Variants in TAF1D observed in about 807,000 individuals in gnomAD.
The protein encoded by TAF1D is TATA-box binding protein associated factor, RNA polymerase I subunit D, also known as TATA box-binding protein-associated factor RNA polymerase I subunit D.
A neutral mutation model predicts 26.2 loss-of-function variants in TAF1D; 23 were observed. That is an observed-to-expected ratio of 0.88 (90% confidence interval 0.63 to 1.25). The LOEUF (loss-of-function observed/expected upper bound fraction) is 1.25, where lower values mean the gene tolerates loss of function less well. TAF1D is among the 50% of genes most tolerant of loss of function. The pLI is 0.00. For missense variants in TAF1D, 299 were observed against 322.0 expected, an observed-to-expected ratio of 0.93 and a Z score of 0.55; for synonymous variants, 100 against 105.6, an observed-to-expected ratio of 0.95 and a Z score of 0.33.
intron 5 of TAF1D, 46 bp from the exon 6 acceptor site, chr11:93,736,350 T>C (rs201496122): frequency 4.5e-6 from 7 of 1,557,478 alleles, no homozygotes; most frequent in Admixed American, 2.1e-5. Flanking sequence ...ATAACTCAAA[T>C]AGTTTAGTAA....
At chr11:93,738,849 GCAC>G in intron 2 of TAF1D, 1 of 297,006 alleles carries the variant, frequency 3.4e-6, no homozygotes, top group African/African-American at 2.2e-5. Flanking sequence ...CTAATGGCAT[GCAC>G]CACTATGCTC....
chr11:93,730,558 T>C (rs1565234590), exon 12 of TAF1D: 1 of 622,034 alleles, frequency 1.6e-6, no homozygotes, highest in Admixed American at 1.9e-5. Context: ...TTAGGAGTGC[T>C]ATGGCTTCCT....
downstream of TAF1D, chr11:93,734,167 T>C (rs1200826597): frequency 6.5e-6 from 1 of 153,062 alleles, no homozygotes; most frequent in Non-Finnish European, 1.5e-5. Flanking sequence ...TTAATTGTCA[T>C]CCATTATAAA....
chr11:93,732,522 C>T (rs1357557341), downstream of TAF1D: 1 of 474,914 alleles, frequency 2.1e-6, no homozygotes, highest in African/African-American at 2.0e-5. Context: ...CTGTACAACT[C>T]GTATTCCCAA....
chr11:93,732,202 T>C, downstream of TAF1D: 1 of 494,808 alleles, frequency 2.0e-6, no homozygotes, highest in Non-Finnish European at 4.0e-6. Context: ...GTGCTACTGA[T>C]AGAGGGAAAC....
In TAF1D at chr11:93,737,158, T is replaced by A. The variant is rs200954518; in HGVS notation, c.541A>T (p.Asn181Tyr). ...HHLKESLKQM[N>Y]VGEDLENEDF... Reference sequence around the variant, plus strand: ...TCATTTTCTAAATCTTCACCAACATTCATTTGCTTCAATGATTCTTTCAGG... The same window carrying A: ...TCATTTTCTAAATCTTCACCAACATACATTTGCTTCAATGATTCTTTCAGG... The change falls in exon 4 of 6, where the codon AAT (asparagine) becomes TAT (tyrosine). Residue 181 changes from asparagine to tyrosine, a missense_variant. Physicochemically the swap from Asn to Tyr is moderately radical, Grantham distance 143. Coordinates refer to ENST00000448108, the MANE Select transcript of TAF1D (RefSeq NM_024116.4). The A allele has an allele frequency of 2.5e-5, 40 of 1,612,610 alleles. No individual in the cohort carries two copies. The highest frequency in any genetic ancestry group is 3.3e-5 in the Non-Finnish European group (39 of 1,179,322).
At chr11:93,738,020 A>G (rs1357818478) in intron 3 of TAF1D, 89 bp downstream of exon 3, 1 of 1,439,654 alleles carries the variant, frequency 6.9e-7, no homozygotes, top group Non-Finnish European at 9.2e-7. Context: ...GTCTGTTCCC[A>G]GTATATCTGA....
chr11:93,740,808 T>C (rs748974132), intron 1 of TAF1D, among the ~76,000 whole-genome samples: 1 of 152,210 alleles, frequency 6.6e-6, no homozygotes, highest in Non-Finnish European at 1.5e-5. Flanking sequence ...TTTTTAAAAG[T>C]AGGGATTATC....
chr11:93,740,475 A>G (rs1417933976), intron 1 of TAF1D, among the ~76,000 whole-genome samples: 1 of 150,864 alleles, frequency 6.6e-6, no homozygotes, highest in Middle Eastern at 3.2e-3. Flanking sequence ...AAGGCATGGC[A>G]ACAAAAATTA....
chr11:93,735,084 C>T (rs762737030), downstream of TAF1D: 2 of 1,316,178 alleles, frequency 1.5e-6, no homozygotes, highest in South Asian at 2.4e-5. Flanking sequence ...ATCAATACTC[C>T]CATCAATCAA....
chr11:93,739,743 AG>A (rs1239073281), intron 1 of TAF1D, among the ~76,000 whole-genome samples: 2 of 152,184 alleles, frequency 1.3e-5, no homozygotes, highest in African/African-American at 4.8e-5. Context: ...AACCAGGAAA[AG>A]GATCTCCAAT....
chr11:93,730,624 A>AT (rs751905247), downstream of TAF1D: 12 of 564,264 alleles, frequency 2.1e-5, no homozygotes, highest in Non-Finnish European at 4.1e-5. Flanking sequence ...TCACAGCCTC[A>AT]TAAGCCCTCT....
downstream of TAF1D, chr11:93,735,301 G>A (rs963179575): frequency 1.2e-4 from 150 of 1,250,336 alleles, no homozygotes; most frequent in Admixed American, 3.3e-4. Context: ...AATGAACATC[G>A]GGGTAATGAC....
chr11:93,738,271 G>A lies in TAF1D; in HGVS notation c.297C>T (p.Tyr99=), dbSNP rs1216075547. Reference sequence around the variant, plus strand: ...TTCCCCGTGGTCTTCCTGTTGGCTGGTACCTCCTCTTTTTCTTTTTTTTAT... The same window carrying A: ...TTCCCCGTGGTCTTCCTGTTGGCTGATACCTCCTCTTTTTCTTTTTTTTAT... The part of the protein sequence containing the change: ...KRYKKKKKRR[Y]QPTGRPRGRP... The change falls in exon 3 of 6, where the codon TAC becomes TAT. Residue 99 remains tyrosine, a synonymous_variant. Transcript: ENST00000448108. The A allele has an allele frequency of 6.2e-7, 1 of 1,611,644 alleles. No homozygotes were observed.
At position 93,737,065 on chromosome 11, in the gene TAF1D, T is replaced by G. The variant is rs201991277; in HGVS notation, c.634A>C (p.Thr212Pro). The change falls in exon 4 of 6, where the codon ACA (threonine) becomes CCA (proline). Residue 212 changes from threonine (T) to proline (P), a missense_variant and splice_region_variant. By Grantham distance (38) the Thr-to-Pro change is conservative (BLOSUM62 -1). Coordinates refer to ENST00000448108, the MANE Select transcript of TAF1D (RefSeq NM_024116.4). The part of the protein sequence containing the change: ...DGSISPIEES[T>P]AEDEDATHLE... Reference sequence around the variant, plus strand: ...AGTATTTCATATGATTCCACTTACGTTGACTCCTCAATAGGAGAAATGGAT... The same window carrying G: ...AGTATTTCATATGATTCCACTTACGGTGACTCCTCAATAGGAGAAATGGAT... 6.3e-7 allele frequency: 1 copy of G among 1,587,434 alleles called. No individual in the cohort carries two copies. The highest frequency in any genetic ancestry group is 1.4e-5 in the African/African-American group (1 of 73,634).
chr11:93,738,531 T>A, intron 2 of TAF1D, 32 bp from the exon 3 acceptor site: 1 of 1,526,540 alleles, frequency 6.6e-7, no homozygotes, highest in Non-Finnish European at 8.8e-7. Context: ...TAATTTCATC[T>A]TCTTTTCTTA....
In TAF1D at chr11:93,741,249, C is replaced by G. The variant is rs952299615; in HGVS notation, c.-28+73G>C. 8 of 449,804 alleles carry G rather than the reference C, an allele frequency of 1.8e-5. No individual in the cohort carries two copies. In the Admixed American group the frequency reaches 1.9e-4, roughly 11 times the overall value. 27.9% of individuals were successfully genotyped at this position (449,804 alleles called of 1,614,324 possible). A position where few individuals can be genotyped will look rare whatever the true frequency, so the allele number is the denominator to read the frequency against. On this transcript the variant is annotated intron_variant, in intron 1 of 5. Transcript: ENST00000448108. ...GATCCTCCGGACCAACGAAGGGGCC[C>G]CGGGAAACCCCAGATATGCAACGCC...
chr11:93,733,605 T>C (rs565408490), downstream of TAF1D: 1 of 506,636 alleles, frequency 2.0e-6, no homozygotes, highest in Non-Finnish European at 3.9e-6. Flanking sequence ...AACCACTATT[T>C]ACAAGGTTTT....
chr11:93,738,475 T>G lies in TAF1D; in HGVS notation c.93A>C (p.Leu31Phe). Residue 31 changes from leucine (L) to phenylalanine (F), a missense_variant, in exon 3 of 6, where the codon TTA becomes TTC. Physicochemically the swap from Leu to Phe is conservative, Grantham distance 22 (BLOSUM62 0). Coordinates refer to ENST00000448108, the MANE Select transcript of TAF1D (RefSeq NM_024116.4). ...NRSDNSSDSS[L>F]FKTQCIPYSP... ...AGTAAGGGATACACTGAGTTTTAAA[T>G]AAGCTGCTATCAGAAGAGTTATCAC... 2 of 1,577,490 alleles carry G rather than the reference T, an allele frequency of 1.3e-6. No homozygotes were observed. The highest frequency in any genetic ancestry group is 1.7e-6 in the Non-Finnish European group (2 of 1,167,914).
Sources: allele counts gnomAD v4.1 joint callset (sites outside exome capture counted in the v4.1 genomes callset), GRCh38; gene constraint gnomAD v4.1.1; transcripts MANE v1.5; gene names NCBI Gene and HGNC (gene_info 2026-07-23, HGNC 2026-07-21).